Variants in EVC observed in about 807,000 individuals in gnomAD.
The protein encoded by EVC is EvC ciliary complex subunit 1, also known as evC complex member EVC.
In EVC, 116 loss-of-function variants were observed where a neutral mutation model predicts 118.9. That is an observed-to-expected ratio of 0.98 (90% CI 0.84 to 1.14). The LOEUF (loss-of-function observed/expected upper bound fraction) is 1.14. Ranked by LOEUF, EVC falls within the 50% of genes most tolerant of loss-of-function variation. The pLI, the probability that EVC is intolerant of heterozygous loss-of-function variation, is 0.00. For missense variants in EVC, 1,401 were observed against 1,246.4 expected (o/e 1.12, Z -1.87); for synonymous variants, 619 against 534.7 (o/e 1.16, Z -2.18).
the EVC span, chr4:5,828,033 G>A: frequency 1.0e-6 from 1 of 985,392 alleles, no homozygotes; most frequent in Non-Finnish European, 1.2e-6. Flanking sequence ...CGGATCTGAA[G>A]GAAGCCCTGC....
chr4:5,741,858 A>G (rs1315529709), intron 6 of EVC, 44 bp downstream of exon 6: 2 of 1,030,992 alleles, frequency 1.9e-6, no homozygotes, highest in Admixed American at 4.0e-5. Context: ...AAAATAGTTT[A>G]TTATAATATA....
chr4:5,745,963 C>T (rs897160166), intron 7 of EVC, among the ~76,000 whole-genome samples: 13 of 152,166 alleles, frequency 8.5e-5, no homozygotes, highest in African/African-American at 3.1e-4. Flanking sequence ...CCGAGGCAGG[C>T]ACAGTGGAGG....
intron 11 of EVC, among the ~76,000 whole-genome samples, chr4:5,781,215 G>A (rs1359976898): frequency 6.6e-6 from 1 of 152,202 alleles, no homozygotes; most frequent in Non-Finnish European, 1.5e-5. Flanking sequence ...AGAGGGGAAT[G>A]TGGGTGCTCT....
At chr4:5,819,576 G>C in the EVC span, among the ~76,000 whole-genome samples, 10 of 152,324 alleles carry the variant, frequency 6.6e-5, no homozygotes, top group East Asian at 1.7e-3. Context: ...CTGGGAGTCA[G>C]GCAAGCACCC....
chr4:5,744,389 CT>C (rs1250361255), intron 6 of EVC, among the ~76,000 whole-genome samples: 1 of 152,176 alleles, frequency 6.6e-6, no homozygotes, highest in Non-Finnish European at 1.5e-5. Flanking sequence ...CCATGCCACA[CT>C]GTTGGCTATG....
Position 5,782,302 on chromosome 4 carries a change from CA to C in EVC, c.1564-1248del, listed in dbSNP as rs1489446468. ...GTTGGCCAGGCTGGTCTCCAACTCC[CA>C]ACCTCAGGTGATCTACCCACCTCAG... On this transcript the variant is annotated intron_variant, in intron 11 of 20. Coordinates refer to ENST00000264956, the MANE Select transcript of EVC (RefSeq NM_153717.3). Among the ~76,000 whole-genome samples, 3 of 151,722 alleles carry C rather than the reference CA, an allele frequency of 2.0e-5. No homozygotes were observed. In the South Asian group the frequency reaches 6.3e-4, roughly 32 times the overall value.
At chr4:5,787,563 C>G (rs567170293) in intron 12 of EVC, among the ~76,000 whole-genome samples, 1 of 152,232 alleles carries the variant, frequency 6.6e-6, no homozygotes, top group East Asian at 1.9e-4. Flanking sequence ...GCCCCAGACC[C>G]TCGGGGAGGA....
intron 12 of EVC, among the ~76,000 whole-genome samples, chr4:5,787,047 C>G (rs965305896): frequency 4.6e-5 from 7 of 152,158 alleles, no homozygotes; most frequent in Admixed American, 4.6e-4. Flanking sequence ...CTACAAATTG[C>G]CTTTCCCACA....
At chr4:5,760,520 G>A (rs987880477) in intron 11 of EVC, among the ~76,000 whole-genome samples, 5 of 152,054 alleles carry the variant, frequency 3.3e-5, no homozygotes, top group African/African-American at 1.2e-4. Flanking sequence ...AGATGGGTGT[G>A]AAATTCTCCA....
At chr4:5,730,555 T>A (rs1484348917) in intron 3 of EVC, among the ~76,000 whole-genome samples, 1 of 152,008 alleles carries the variant, frequency 6.6e-6, no homozygotes. Flanking sequence ...CACGCCATAG[T>A]CAGCAGAGCG....
chr4:5,785,003 C>G (rs1736205557), intron 12 of EVC, among the ~76,000 whole-genome samples: 2 of 152,222 alleles, frequency 1.3e-5, no homozygotes, highest in South Asian at 4.2e-4. Flanking sequence ...AGTCCTTTCT[C>G]CCCTGCCTTC....
rs1436649576 is a variant in EVC at position 5,756,981 on chromosome 4, C to T, written c.1563+619C>T. Among the ~76,000 whole-genome samples the T allele has an allele frequency of 2.0e-5, 3 of 152,308 alleles. No homozygotes were observed. The highest frequency in any genetic ancestry group is 2.1e-4 in the South Asian group (1 of 4,826). ...GGACACCTGGCTATGAAGGAATCAA[C>T]CAGTGGGTGTTGGGCAGCACTGGGA... On this transcript the variant is annotated intron_variant, in intron 11 of 20. Coordinates refer to ENST00000264956, the MANE Select transcript of EVC (RefSeq NM_153717.3). The surrounding 1 kb of genome is among the most constrained non-coding windows in gnomAD (Gnocchi z 4.2).
chr4:5,801,588 G>T (rs1444822407), intron 15 of EVC, among the ~76,000 whole-genome samples: 1 of 148,638 alleles, frequency 6.7e-6, no homozygotes, highest in African/African-American at 2.5e-5. Flanking sequence ...ACTGAGGCAG[G>T]AAAATCACTT....
intron 11 of EVC, 49 bp from the exon 12 acceptor site, chr4:5,783,503 A>G: frequency 6.3e-7 from 1 of 1,576,794 alleles, no homozygotes; most frequent in Non-Finnish European, 8.7e-7. Flanking sequence ...CAGGCCCCAC[A>G]CAGGGTCCTG....
intron 18 of EVC, 47 bp from the exon 19 acceptor site, chr4:5,809,471 A>G: frequency 6.5e-7 from 1 of 1,530,310 alleles, no homozygotes; most frequent in Non-Finnish European, 9.1e-7. Context: ...GATTTAGAGA[A>G]GTCAGAGGGA....
At chr4:5,761,758 G>T (rs901629834) in intron 11 of EVC, among the ~76,000 whole-genome samples, 1 of 151,820 alleles carries the variant, frequency 6.6e-6, no homozygotes, top group African/African-American at 2.4e-5. Flanking sequence ...GCCTTATGGT[G>T]GTTGGCTAGC....
chr4:5,727,787 A>T (rs1481917685), intron 2 of EVC, among the ~76,000 whole-genome samples: 15 of 149,340 alleles, frequency 1.0e-4, no homozygotes, highest in Admixed American at 2.0e-4. Context: ...AGCTTTCTCC[A>T]TATGGCTAGC....
intron 11 of EVC, among the ~76,000 whole-genome samples, chr4:5,769,272 A>G (rs1474317495): frequency 6.6e-6 from 1 of 152,056 alleles, no homozygotes; most frequent in African/African-American, 2.4e-5. Flanking sequence ...AAACCATCAG[A>G]TCTCATGAGA....
downstream of EVC, among the ~76,000 whole-genome samples, chr4:5,815,380 G>A (rs996881946): frequency 5.9e-5 from 9 of 152,198 alleles, no homozygotes; most frequent in African/African-American, 1.4e-4. Context: ...CCAACGTAAC[G>A]TGCATGGCAT....
Sources: allele counts gnomAD v4.1 joint callset (sites outside exome capture counted in the v4.1 genomes callset), GRCh38; gene constraint gnomAD v4.1.1; non-coding constraint Gnocchi (gnomAD v3.1); transcripts MANE v1.5; gene names NCBI Gene and HGNC (gene_info 2026-07-23, HGNC 2026-07-21).